The following WDR72 variants were observed in gnomAD, a reference collection of about 807,000 sequenced individuals.
WDR72 encodes WD repeat-containing protein 72.
In WDR72, 120 loss-of-function variants were observed where a neutral mutation model predicts 124.2. The ratio of observed to expected loss-of-function variants is 0.97; its 90% CI spans 0.83 to 1.12. The LOEUF (loss-of-function observed/expected upper bound fraction) is 1.12. Among genes scored for constraint, WDR72 ranks in the 50% most tolerant of loss-of-function variants. WDR72 has a pLI of 0.00. For missense variants in WDR72, 1,387 were observed against 1,278.8 expected (o/e 1.08, Z -1.29); for synonymous variants, 452 against 441.7 (o/e 1.02, Z -0.29).
At chr15:53,739,231 A>C (rs1685199231) in intron 1 of WDR72, among the ~76,000 whole-genome samples, 1 of 151,960 alleles carries the variant, frequency 6.6e-6, no homozygotes, top group African/African-American at 2.4e-5. Flanking sequence ...AGTAAGCATC[A>C]AAAAAAAGTG....
chr15:53,652,726 G>C (rs947996409), intron 14 of WDR72, among the ~76,000 whole-genome samples: 1 of 152,120 alleles, frequency 6.6e-6, no homozygotes, highest in Non-Finnish European at 1.5e-5. Flanking sequence ...AGAAGTCTAA[G>C]ATTTAAGGGC....
At chr15:53,650,145 G>A (rs2015180323) in intron 14 of WDR72, among the ~76,000 whole-genome samples, 1 of 152,126 alleles carries the variant, frequency 6.6e-6, no homozygotes, top group Non-Finnish European at 1.5e-5. Context: ...GTGATAACAT[G>A]ATGAACCTTG....
intron 14 of WDR72, among the ~76,000 whole-genome samples, chr15:53,655,618 A>T (rs1347235312): frequency 6.6e-6 from 1 of 152,204 alleles, no homozygotes; most frequent in African/African-American, 2.4e-5. Flanking sequence ...GAATCAATGG[A>T]GAAGGCCACG....
At chr15:53,538,683 T>C (rs1033733703) in intron 18 of WDR72, among the ~76,000 whole-genome samples, 1 of 152,276 alleles carries the variant, frequency 6.6e-6, no homozygotes, top group South Asian at 2.1e-4. Context: ...TTATTTTGGT[T>C]TATTATAAAA....
chr15:53,633,089 A>C (rs2014493339), intron 14 of WDR72, among the ~76,000 whole-genome samples: 1 of 152,138 alleles, frequency 6.6e-6, no homozygotes, highest in Non-Finnish European at 1.5e-5. Flanking sequence ...AGGTGGAATG[A>C]TATGGTTTGA....
chr15:53,623,689 A>G (rs2014095444), intron 14 of WDR72, among the ~76,000 whole-genome samples: 1 of 152,142 alleles, frequency 6.6e-6, no homozygotes, highest in African/African-American at 2.4e-5. Flanking sequence ...GTCAAATGGT[A>G]GTTCTTTTTT....
chr15:53,722,928 G>T lies in WDR72; in HGVS notation c.154-20C>A. 6.3e-7 allele frequency: 1 copy of T among 1,591,630 alleles called. No individual in the cohort carries two copies. Among genetic ancestry groups the T allele is most frequent in the Non-Finnish European group, 8.6e-7 (1 of 1,159,740 alleles). On this transcript the variant is annotated intron_variant, in intron 2 of 19. Transcript: ENST00000360509. ...TGAAATCTGAAAATAATGAGAGTGA[G>T]CTTTTAAATAATTGTAAACTGTTTG... is the stretch of plus-strand genomic sequence containing the variant.
At chr15:53,708,163 C>A (rs7183070) in intron 9 of WDR72, among the ~76,000 whole-genome samples, 1 of 152,116 alleles carries the variant, frequency 6.6e-6, no homozygotes, top group African/African-American at 2.4e-5. Context: ...ATGTGAATTC[C>A]GATTTTTCAT....
chr15:53,742,013 C>T (rs1401803779), intron 1 of WDR72, among the ~76,000 whole-genome samples: 1 of 152,200 alleles, frequency 6.6e-6, no homozygotes, highest in Non-Finnish European at 1.5e-5. Flanking sequence ...CAGGCATGAG[C>T]CACTGCATCT....
chr15:53,644,598 T>C (rs79996920), intron 14 of WDR72, among the ~76,000 whole-genome samples: 2,050 of 150,612 alleles, frequency 0.014, 35 homozygotes, highest in East Asian at 0.071. Flanking sequence ...CTGGAAACCA[T>C]TGGTGGAATA....
At position 53,609,455 on chromosome 15, in the gene WDR72, T is replaced by C. The variant is rs143666758; in HGVS notation, c.2952+58A>G. The C allele has an allele frequency of 6.6e-4, 978 of 1,474,784 alleles. 11 individuals are homozygous for C. In the East Asian group the frequency reaches 0.019, roughly 29 times the overall value. The allele number at this position is 1,474,784 out of a possible 1,614,324, so 91.4% of individuals were successfully genotyped here. A position where few individuals can be genotyped will look rare whatever the true frequency, so the allele number is the denominator to read the frequency against. ...ATTTTCAGATAGAGGGGGGTATCCA[T>C]GAACCACAGCAGCAAGGAACTCTTC... On this transcript the variant is annotated intron_variant, in intron 17 of 19. Transcript: ENST00000360509.
intron 13 of WDR72, among the ~76,000 whole-genome samples, chr15:53,694,437 T>C (rs1054890146): frequency 6.6e-6 from 1 of 152,164 alleles, no homozygotes; most frequent in Non-Finnish European, 1.5e-5. Flanking sequence ...AGAAATCAGA[T>C]GACCAGAGCC....
At chr15:53,733,683 A>G (rs62008001) in intron 1 of WDR72, among the ~76,000 whole-genome samples, 46,041 of 152,164 alleles carry the variant, frequency 0.3, 8,626 homozygotes, top group East Asian at 0.48. Context: ...GATTTCTGCC[A>G]TATTCTATTT....
At chr15:53,685,853 G>A (rs2016602060) in intron 13 of WDR72, among the ~76,000 whole-genome samples, 1 of 131,176 alleles carries the variant, frequency 7.6e-6, no homozygotes, top group Non-Finnish European at 1.6e-5. Context: ...CAGACTAACA[G>A]CGGATCTCTC....
At chr15:53,688,884 A>C (rs1328471541) in intron 13 of WDR72, among the ~76,000 whole-genome samples, 1 of 152,158 alleles carries the variant, frequency 6.6e-6, no homozygotes, top group Non-Finnish European at 1.5e-5. Context: ...TCAATGGAAC[A>C]GAACAGAGCC....
intron 18 of WDR72, among the ~76,000 whole-genome samples, chr15:53,557,658 C>T (rs1431877134): frequency 1.3e-5 from 2 of 151,732 alleles, no homozygotes; most frequent in South Asian, 2.1e-4. Context: ...GAGATCAGCC[C>T]GTGAGCCTGG....
intron 18 of WDR72, among the ~76,000 whole-genome samples, chr15:53,576,131 T>C (rs1273223071): frequency 6.6e-6 from 1 of 150,894 alleles, no homozygotes; most frequent in Non-Finnish European, 1.5e-5. Context: ...TGTATTCTAA[T>C]TACACCCCTA....
intron 14 of WDR72, among the ~76,000 whole-genome samples, chr15:53,627,975 C>G (rs1390724864): frequency 1.3e-5 from 2 of 152,148 alleles, no homozygotes; most frequent in Admixed American, 6.5e-5. Flanking sequence ...TCTCTGACCA[C>G]CAGTATACCA....
At chr15:53,735,624 G>A (rs1403974936) in intron 1 of WDR72, among the ~76,000 whole-genome samples, 1 of 150,752 alleles carries the variant, frequency 6.6e-6, no homozygotes, top group Admixed American at 6.6e-5. Flanking sequence ...TGTACTTAAG[G>A]CATTCTGAAA....
Sources: allele counts gnomAD v4.1 joint callset (sites outside exome capture counted in the v4.1 genomes callset), GRCh38; gene constraint gnomAD v4.1.1; transcripts MANE v1.5; gene names NCBI Gene and HGNC (gene_info 2026-07-23, HGNC 2026-07-21).